The following DOCK6 variants were observed in gnomAD, a reference collection of about 807,000 sequenced individuals.
DOCK6 encodes dedicator of cytokinesis 6.
A neutral mutation model predicts 230.3 loss-of-function variants in DOCK6; 167 were observed. That is an observed-to-expected ratio of 0.73 (90% CI 0.64 to 0.82). The LOEUF is 0.82. Among genes scored for constraint, DOCK6 ranks in the 40% least tolerant of loss-of-function variants. The pLI, the probability that DOCK6 is intolerant of heterozygous loss-of-function variation, is 0.00. For synonymous variants in DOCK6, 1,148 were observed against 1,185.0 expected, an observed-to-expected ratio of 0.97 and a Z score of 0.64; for missense variants, 2,598 against 2,825.8, an observed-to-expected ratio of 0.92 and a Z score of 1.83.
At chr19:11,224,180 CTG>C (rs2079625442) in intron 24 of DOCK6, among the ~76,000 whole-genome samples, 1 of 140,460 alleles carries the variant, frequency 7.1e-6, no homozygotes, top group African/African-American at 2.7e-5. Context: ...ATGGCAAAAA[CTG>C]TAATTACTTT....
rs1490252247 is a variant in DOCK6, at chr19:11,243,008, T to C, written c.1480+51A>G. 1.2e-6 allele frequency: 2 copies of C among 1,603,540 alleles called. No individual in the cohort carries two copies. Among genetic ancestry groups the C allele is most frequent in the East Asian group, 2.2e-5 (1 of 44,860 alleles). Reference sequence around the variant, plus strand: ...GTAGGTGCTCTCAGTGTAGGTTTGTTGAGTGGCTGAGTGAGAGTGATACTT... The same window carrying C: ...GTAGGTGCTCTCAGTGTAGGTTTGTCGAGTGGCTGAGTGAGAGTGATACTT... On this transcript the variant is annotated intron_variant, in intron 13 of 47. Coordinates refer to ENST00000294618, the MANE Select transcript of DOCK6 (RefSeq NM_020812.4). The surrounding 1 kb of genome is among the most constrained non-coding windows in gnomAD (Gnocchi z 6.3).
At chr19:11,210,104 C>T (rs1382483500) in intron 37 of DOCK6, among the ~76,000 whole-genome samples, 1 of 148,336 alleles carries the variant, frequency 6.7e-6, no homozygotes, top group Non-Finnish European at 1.5e-5. Context: ...TCTCACCTGT[C>T]CACCTCTCAC....
chr19:11,255,233 G>A (rs2080179753), intron 1 of DOCK6, among the ~76,000 whole-genome samples: 1 of 151,738 alleles, frequency 6.6e-6, no homozygotes, highest in Non-Finnish European at 1.5e-5. Flanking sequence ...TCAAACTCCT[G>A]ACCTTAGGTG....
intron 1 of DOCK6, among the ~76,000 whole-genome samples, chr19:11,261,397 C>T (rs1275988269): frequency 6.9e-6 from 1 of 144,398 alleles, no homozygotes; most frequent in Non-Finnish European, 1.5e-5. Context: ...TTGTCACTGA[C>T]AGGTAATCTA....
In DOCK6 at chr19:11,253,673, G is replaced by C; in HGVS notation, c.98C>G (p.Pro33Arg). ...KQVSRERSGS[P>R]HSSRRCSSSL... ...GCTGCTGCAGCGCCTGCTGGAGTGG[G>C]GGGAGCCACTGCGTTCCCGGGACAC... is the stretch of plus-strand genomic sequence containing the variant. The change falls in exon 2 of 48, where the codon CCC becomes CGC. Residue 33 changes from proline to arginine, a missense_variant. Pro to Arg is a moderately radical substitution (Grantham distance 103). Transcript: ENST00000294618. The C allele has an allele frequency of 6.8e-7, 1 of 1,465,854 alleles. No homozygotes were observed. Among genetic ancestry groups the C allele is most frequent in the Non-Finnish European group, 9.0e-7 (1 of 1,115,462 alleles). The allele number at this position is 1,465,854 out of a possible 1,614,324, so 90.8% of individuals were successfully genotyped here.
rs773848873 is a variant in DOCK6, at chr19:11,243,364, T to G, written c.1280A>C (p.Asp427Ala). The change falls in exon 12 of 48, where the codon GAC becomes GCC. Residue 427 changes from aspartate to alanine, a missense_variant. By Grantham distance (126) the Asp-to-Ala change is moderately radical. Transcript: ENST00000294618. This position sits in a 1 kb window ranked among gnomAD's most constrained non-coding sequence, Gnocchi z 6.3. ...GTCCTGGGGCCCCCGACGGCGGCGG[T>G]CTGTCCAGGCTGGCCGGCGCTCTAG... ...SEGERRPAWTDRRRRGPQDRA... is the reference protein window; with the variant it reads ...SEGERRPAWTARRRRGPQDRA... 1.0e-5 allele frequency: 16 copies of G among 1,601,562 alleles called. No individual in the cohort carries two copies. Among genetic ancestry groups the G allele is most frequent in the Non-Finnish European group, 1.7e-6 (2 of 1,174,874 alleles).
At chr19:11,203,988 C>A in intron 41 of DOCK6, 93 bp downstream of exon 41, 1 of 1,502,592 alleles carries the variant, frequency 6.7e-7, no homozygotes, top group Non-Finnish European at 9.0e-7. Flanking sequence ...AGCGGCCATG[C>A]TCCTCTGGTG....
chr19:11,222,785 G>A lies in DOCK6; in HGVS notation c.3190C>T (p.Leu1064=). 2 of 1,585,056 alleles carry A rather than the reference G, an allele frequency of 1.3e-6. No homozygotes were observed. The highest frequency in any genetic ancestry group is 1.1e-5 in the South Asian group (1 of 87,116). Residue 1064 remains leucine (L), a synonymous_variant, in exon 26 of 48, where the codon CTG becomes TTG. Transcript: ENST00000294618. This position sits in a 1 kb window ranked among gnomAD's most constrained non-coding sequence, Gnocchi z 4.0. ...GGGGAGGGCGAGGCTGGAGGTGACAGGGGGCAGCAGGGGAGGTTGAGGGTC... is the reference window on the plus strand; with the variant it reads ...GGGGAGGGCGAGGCTGGAGGTGACAAGGGGCAGCAGGGGAGGTTGAGGGTC... ...YVTLNLPCCP[L]SPPASPSPSV...
Position 11,237,524 on chromosome 19 carries a change from T to A in DOCK6, c.2005A>T (p.Thr669Ser). Residue 669 changes from threonine to serine, a missense_variant, in exon 18 of 48, where the codon ACC becomes TCC. Transcript: ENST00000294618. Reference sequence around the variant, plus strand: ...GACACTGGGAGACAGAAGGGGCCGGTCCTCAGGCGCCCGTGCTGCAGCAGT... The same window carrying A: ...GACACTGGGAGACAGAAGGGGCCGGACCTCAGGCGCCCGTGCTGCAGCAGT... ...IPLLQHGRLR[T>S]GPFCLPVSVD... is the part of the protein sequence containing the mutation. 1 of 1,608,572 alleles carries A rather than the reference T, an allele frequency of 6.2e-7. No homozygotes were observed.
At chr19:11,258,332 G>C (rs1254739747) in intron 1 of DOCK6, among the ~76,000 whole-genome samples, 2 of 152,180 alleles carry the variant, frequency 1.3e-5, no homozygotes. Flanking sequence ...CAGGAAGGTG[G>C]AGATAGTCCC....
At chr19:11,233,479 T>G in intron 21 of DOCK6, 113 bp from the exon 22 acceptor site, 1 of 1,326,898 alleles carries the variant, frequency 7.5e-7, no homozygotes, top group East Asian at 2.5e-5. Context: ...AGCCTCTAAG[T>G]TCCTCATCTA....
At chr19:11,256,107 T>C (rs1315991025) in intron 1 of DOCK6, among the ~76,000 whole-genome samples, 1 of 152,074 alleles carries the variant, frequency 6.6e-6, no homozygotes, top group Admixed American at 6.6e-5. Context: ...CTCTTAACAG[T>C]CTTGGAGTCT....
In DOCK6 at chr19:11,243,125, G is replaced by C; in HGVS notation, c.1414C>G (p.Leu472Val). 1 of 1,614,008 alleles carries C rather than the reference G, an allele frequency of 6.2e-7. No individual in the cohort carries two copies. The highest frequency in any genetic ancestry group is 8.5e-7 in the Non-Finnish European group (1 of 1,179,892). The change falls in exon 13 of 48, where the codon CTC becomes GTC. Residue 472 changes from leucine to valine, a missense_variant. Physicochemically the swap from Leu to Val is conservative, Grantham distance 32. Transcript: ENST00000294618. The surrounding 1 kb of genome is among the most constrained non-coding windows in gnomAD (Gnocchi z 6.3). The stretch of plus-strand genomic sequence containing the variant: ...CTCATGTCAGCCAGGAACTTGAAGA[G>C]GTCCTCGTCACTGAGTCGCTCAGCC... Reference protein sequence around the residue: ...QEAERLSDEDLFKFLADMRRP... With the variant: ...QEAERLSDEDVFKFLADMRRP...
intron 39 of DOCK6, among the ~76,000 whole-genome samples, chr19:11,205,392 C>A (rs1207232667): frequency 6.6e-6 from 1 of 151,912 alleles, no homozygotes; most frequent in African/African-American, 2.4e-5. Flanking sequence ...GAGATGGCTG[C>A]AGTCCAGTGG....
intron 14 of DOCK6, chr19:11,239,694 C>T (rs2079909632): frequency 1.2e-6 from 2 of 1,613,618 alleles, no homozygotes; most frequent in Non-Finnish European, 1.7e-6. Context: ...CCCGGCCTGC[C>T]TCAGCGGCCC....
At position 11,252,501 on chromosome 19, in the gene DOCK6, A is replaced by G. The variant is rs369962295; in HGVS notation, c.358T>C (p.Trp120Arg). 106 of 1,613,752 alleles carry G rather than the reference A, an allele frequency of 6.6e-5. No homozygotes were observed. The highest frequency in any genetic ancestry group is 8.6e-5 in the Non-Finnish European group (102 of 1,179,894). The change falls in exon 4 of 48, where the codon TGG becomes CGG. Residue 120 changes from tryptophan to arginine, a missense_variant. Transcript: ENST00000294618. ...ACTCACCTTCTGTGGACAATGACCCAGTCCTCAATATACATCTCCACCGCG... is the reference window on the plus strand; with the variant it reads ...ACTCACCTTCTGTGGACAATGACCCGGTCCTCAATATACATCTCCACCGCG... Reference protein sequence around the residue: ...RAAVEMYIEDWVIVHRRYQYL... With the variant: ...RAAVEMYIEDRVIVHRRYQYL...
intron 7 of DOCK6, among the ~76,000 whole-genome samples, chr19:11,246,885 C>T (rs1006355262): frequency 2.6e-5 from 4 of 152,134 alleles, no homozygotes; most frequent in African/African-American, 9.7e-5. Flanking sequence ...CTCCCCGTTA[C>T]ACCCCTTCCA....
intron 1 of DOCK6, among the ~76,000 whole-genome samples, chr19:11,259,535 C>T (rs933389352): frequency 6.8e-6 from 1 of 146,414 alleles, no homozygotes; most frequent in Non-Finnish European, 1.5e-5. Flanking sequence ...CCCACCCCTC[C>T]AATGAATCAT....
chr19:11,246,194 G>T (rs896846217), intron 7 of DOCK6, among the ~76,000 whole-genome samples: 1 of 151,828 alleles, frequency 6.6e-6, no homozygotes, highest in Non-Finnish European at 1.5e-5. Context: ...AGCCTCCTGA[G>T]TAGCTGGGAC....
Sources: allele counts gnomAD v4.1 joint callset (sites outside exome capture counted in the v4.1 genomes callset), GRCh38; gene constraint gnomAD v4.1.1; non-coding constraint Gnocchi (gnomAD v3.1); transcripts MANE v1.5; gene names NCBI Gene and HGNC (gene_info 2026-07-23, HGNC 2026-07-21).